Variants in ZNF276 observed in about 807,000 individuals in gnomAD.
The protein encoded by ZNF276 is centromere protein Z.
ZNF276 carries 59 observed loss-of-function variants against 63.9 expected under a neutral mutation model. The observed-to-expected ratio is 0.92, with a 90% CI of 0.75 to 1.15. The LOEUF (loss-of-function observed/expected upper bound fraction) is 1.15, where lower values mean the gene tolerates loss of function less well. Among genes scored for constraint, ZNF276 ranks in the 50% most tolerant of loss-of-function variants. ZNF276 has a pLI of 0.00. For missense variants in ZNF276, 1,084 were observed against 843.8 expected (o/e 1.28, Z -3.53); for synonymous variants, 496 against 348.4 (o/e 1.42, Z -4.72).
At chr16:89,720,679 C>T, upstream of ZNF276, 5 of 1,282,696 alleles carry the variant, frequency 3.9e-6, no homozygotes, top group South Asian at 7.0e-5. Context: ...CCAGCCCGAG[C>T]CGGCCCCGTC....
chr16:89,739,683 C>G lies in ZNF276; in HGVS notation c.*1437C>G. 4 of 1,517,366 alleles carry G rather than the reference C, an allele frequency of 2.6e-6. No individual in the cohort carries two copies. Among genetic ancestry groups the G allele is most frequent in the Non-Finnish European group, 3.6e-6 (4 of 1,125,284 alleles). 94.0% of individuals were successfully genotyped at this position (1,517,366 alleles called of 1,614,324 possible). The stretch of plus-strand genomic sequence containing the variant: ...GTGGGGATAGTGTGGGGCGAACAGC[C>G]TGAGCTGAGGATACCCAGGTACCTG... On this transcript the variant is annotated 3_prime_UTR_variant, in exon 11 of 11. Coordinates refer to ENST00000443381, the MANE Select transcript of ZNF276 (RefSeq NM_001113525.2).
chr16:89,720,386 G>A (rs1199692694), upstream of ZNF276: 1 of 995,226 alleles, frequency 1.0e-6, no homozygotes, highest in African/African-American at 1.7e-5. Context: ...GCCGTCCCCT[G>A]TGGCAACCGG....
rs367638842 is a variant in ZNF276, at chr16:89,723,499, G to A, written c.796G>A (p.Glu266Lys). 28 of 1,612,842 alleles carry A rather than the reference G, an allele frequency of 1.7e-5. No homozygotes were observed. Among genetic ancestry groups the A allele is most frequent in the Non-Finnish European group, 2.2e-5 (26 of 1,180,032 alleles). The stretch of plus-strand genomic sequence containing the variant: ...GGCAGTCAAGTGGCCATGGGACAAA[G>A]AGACGGCGCCACGGCTGCCCCAGCA... Reference protein sequence around the residue: ...ALAVKWPWDKETAPRLPQHRG... With the variant: ...ALAVKWPWDKKTAPRLPQHRG... The change falls in exon 4 of 11, where the codon GAG becomes AAG. Residue 266 changes from glutamate to lysine, a missense_variant. Physicochemically the swap from Glu to Lys is moderately conservative, Grantham distance 56 (BLOSUM62 1). Coordinates refer to ENST00000443381, the MANE Select transcript of ZNF276 (RefSeq NM_001113525.2).
intron 4 of ZNF276, among the ~76,000 whole-genome samples, chr16:89,724,455 T>C (rs2061406331): frequency 6.6e-6 from 1 of 152,194 alleles, no homozygotes; most frequent in African/African-American, 2.4e-5. Flanking sequence ...AAGACCAACC[T>C]GGCCAACATA....
Position 89,739,169 on chromosome 16 carries a change from T to C in ZNF276, c.*923T>C. The C allele has an allele frequency of 1.2e-6, 2 of 1,613,916 alleles. No homozygotes were observed. Among genetic ancestry groups the C allele is most frequent in the East Asian group, 2.2e-5 (1 of 44,876 alleles). ...GCTCCAGGCTCCTGCCAGCTGGAGG[T>C]GAAACTGTGCTTGTATCCCCAGCCA... On this transcript the variant is annotated 3_prime_UTR_variant, in exon 11 of 11. Coordinates refer to ENST00000443381, the MANE Select transcript of ZNF276 (RefSeq NM_001113525.2).
chr16:89,729,427 C>T (rs571421269), intron 6 of ZNF276, 109 bp downstream of exon 6: 24 of 977,998 alleles, frequency 2.5e-5, no homozygotes, highest in Middle Eastern at 3.2e-4. Flanking sequence ...CTCTCGTGTG[C>T]GGATCTCCCG....
chr16:89,720,859 C>G, upstream of ZNF276: 1 of 1,395,584 alleles, frequency 7.2e-7, no homozygotes, highest in Middle Eastern at 2.2e-4. Flanking sequence ...CCGCAGCGGC[C>G]ATGGCGCCGA....
At chr16:89,729,117 C>T in intron 5 of ZNF276, 118 bp from the exon 6 acceptor site, 2 of 813,620 alleles carry the variant, frequency 2.5e-6, no homozygotes, top group South Asian at 3.3e-5. Flanking sequence ...AAGACATTTT[C>T]AGAAGAACTC....
In ZNF276 at chr16:89,739,026, C is replaced by A; in HGVS notation, c.*780C>A. The stretch of plus-strand genomic sequence containing the variant: ...GGTTAGAAGACATACAGAAACAGGG[C>A]TGGTGTGTCCCCCATAGTCTGCATG... On this transcript the variant is annotated 3_prime_UTR_variant, in exon 11 of 11. Transcript: ENST00000443381. 6.2e-7 allele frequency: 1 copy of A among 1,614,114 alleles called. No homozygotes were observed. Among genetic ancestry groups the A allele is most frequent in the Non-Finnish European group, 8.5e-7 (1 of 1,179,960 alleles).
At chr16:89,721,358 GC>G, upstream of ZNF276, 1 of 328,958 alleles carries the variant, frequency 3.0e-6, no homozygotes, top group Non-Finnish European at 5.5e-6. Context: ...CCACCGCCCC[GC>G]CCCAGGCCAG....
Position 89,740,227 on chromosome 16 carries a change from G to C in ZNF276, c.*1981G>C. ...ATTGTAAGTCTTAAAACTGGTGACA[G>C]TTTTACCTATAGAAGGTAATACTGG... On this transcript the variant is annotated 3_prime_UTR_variant, in exon 11 of 11. Coordinates refer to ENST00000443381, the MANE Select transcript of ZNF276 (RefSeq NM_001113525.2). 1.2e-6 allele frequency: 1 copy of C among 836,564 alleles called. No homozygotes were observed. The allele number at this position is 836,564 out of a possible 1,614,324, so 51.8% of individuals were successfully genotyped here.
Position 89,721,579 on chromosome 16 carries a change from G to A in ZNF276, c.-62G>A. Reference sequence around the variant, plus strand: ...GCGCGCCGAGCGGAGCCTAACGCCGGGTCCTCTAGGAACCTCGGGCCGGGC... The same window carrying A: ...GCGCGCCGAGCGGAGCCTAACGCCGAGTCCTCTAGGAACCTCGGGCCGGGC... On this transcript the variant is annotated 5_prime_UTR_variant, in exon 1 of 11. Coordinates refer to ENST00000443381, the MANE Select transcript of ZNF276 (RefSeq NM_001113525.2). 7.0e-7 allele frequency: 1 copy of A among 1,434,052 alleles called. No individual in the cohort carries two copies. The highest frequency in any genetic ancestry group is 2.6e-5 in the Admixed American group (1 of 39,024). 88.8% of individuals were successfully genotyped at this position (1,434,052 alleles called of 1,614,324 possible).
At chr16:89,724,987 C>A (rs2061427323) in intron 4 of ZNF276, among the ~76,000 whole-genome samples, 1 of 152,212 alleles carries the variant, frequency 6.6e-6, no homozygotes, top group African/African-American at 2.4e-5. Context: ...GTTTTGTAGC[C>A]CAGGCTGGAG....
In ZNF276 at chr16:89,721,587, A is replaced by G. The variant is rs2151653674; in HGVS notation, c.-54A>G. 4.8e-6 allele frequency: 7 copies of G among 1,453,966 alleles called. No homozygotes were observed. In the Admixed American group the frequency reaches 9.7e-5, roughly 20 times the overall value. 90.1% of individuals were successfully genotyped at this position (1,453,966 alleles called of 1,614,324 possible). The stretch of plus-strand genomic sequence containing the variant: ...AGCGGAGCCTAACGCCGGGTCCTCT[A>G]GGAACCTCGGGCCGGGCAGCACCCG... On this transcript the variant is annotated 5_prime_UTR_variant, in exon 1 of 11. Transcript: ENST00000443381.
upstream of ZNF276, chr16:89,720,932 C>A (rs117990130): frequency 8.1e-7 from 1 of 1,235,886 alleles, no homozygotes; most frequent in South Asian, 2.8e-5. Flanking sequence ...GGAACGCAGC[C>A]GGCGCTGGTG....
intron 2 of ZNF276, 69 bp downstream of exon 2, chr16:89,722,903 G>GGGCGTGCCTCCAGGA: frequency 6.4e-7 from 1 of 1,563,582 alleles, no homozygotes; most frequent in Non-Finnish European, 8.6e-7. Context: ...TTGAGAGAGG[G>GGGCGTGCCTCCAGGA]ACAGGGCGTG....
Position 89,738,322 on chromosome 16 carries a change from C to A in ZNF276, c.*76C>A, listed in dbSNP as rs1234979343. The A allele has an allele frequency of 4.0e-5, 61 of 1,515,502 alleles. No individual in the cohort carries two copies. Among genetic ancestry groups the A allele is most frequent in the Non-Finnish European group, 5.4e-5 (61 of 1,132,662 alleles). The allele number at this position is 1,515,502 out of a possible 1,614,324, so 93.9% of individuals were successfully genotyped here. ...GTGTCAGCCTCACCCTTCGTGTGCA[C>A]CCGCATGGGAGGGTCGGAGGGTGCT... On this transcript the variant is annotated 3_prime_UTR_variant, in exon 11 of 11. Coordinates refer to ENST00000443381, the MANE Select transcript of ZNF276 (RefSeq NM_001113525.2).
In ZNF276 at chr16:89,738,679, T is replaced by C; in HGVS notation, c.*433T>C. 1 of 1,613,918 alleles carries C rather than the reference T, an allele frequency of 6.2e-7. No individual in the cohort carries two copies. Among genetic ancestry groups the C allele is most frequent in the Non-Finnish European group, 8.5e-7 (1 of 1,180,010 alleles). ...TGCTCTGGAGGGCGGCGCTCACCTC[T>C]GGGTCGCAGTCCCCACGATCAGCCA... On this transcript the variant is annotated 3_prime_UTR_variant, in exon 11 of 11. Coordinates refer to ENST00000443381, the MANE Select transcript of ZNF276 (RefSeq NM_001113525.2).
At chr16:89,727,185 C>T (rs1382723024) in intron 4 of ZNF276, 94 bp from the exon 5 acceptor site, 2 of 1,318,402 alleles carry the variant, frequency 1.5e-6, no homozygotes, top group African/African-American at 1.4e-5. Context: ...CCCAGTCTCC[C>T]TTCTAGTCAT....
Sources: allele counts gnomAD v4.1 joint callset (sites outside exome capture counted in the v4.1 genomes callset), GRCh38; gene constraint gnomAD v4.1.1; transcripts MANE v1.5; gene names NCBI Gene and HGNC (gene_info 2026-07-23, HGNC 2026-07-21).